Variants in ESRRG observed in about 807,000 individuals in gnomAD.
The protein encoded by ESRRG is estrogen-related receptor gamma.
In ESRRG, 13 loss-of-function variants were observed where a neutral mutation model predicts 44.0. That is an observed-to-expected ratio of 0.30 (90% CI 0.19 to 0.47). ESRRG has a LOEUF of 0.47. ESRRG is among the 20% of genes least tolerant of loss of function. ESRRG has a pLI of 1.00. For synonymous variants in ESRRG, 215 were observed against 214.6 expected (o/e 1.00, Z -0.02); for missense variants, 395 against 580.6 (o/e 0.68, Z 3.29).
rs144112469 is a variant in ESRRG, at chr1:216,523,880, A to G, written c.863-4459T>C. 1.7e-3 allele frequency among the ~76,000 whole-genome samples: 251 copies of G among 151,928 alleles called. 3 individuals are homozygous for G. Among genetic ancestry groups the G allele is most frequent in the African/African-American group, 5.7e-3 (235 of 41,434 alleles). On this transcript the variant is annotated intron_variant, in intron 5 of 6. Transcript: ENST00000408911. ...AAAAAATCAACATTTTTCAACAACT[A>G]GCATATCATGCTAGAACTGTAATTA...
chr1:217,108,638 G>T (rs542821893), intron 1 of ESRRG, among the ~76,000 whole-genome samples: 107 of 151,920 alleles, frequency 7.0e-4, no homozygotes, highest in African/African-American at 2.4e-3. Context: ...AGTGTGTGGC[G>T]CCTTCCCTCC....
intron 1 of ESRRG, among the ~76,000 whole-genome samples, chr1:217,001,201 T>G (rs1003270766): frequency 2.0e-5 from 3 of 152,222 alleles, no homozygotes; most frequent in African/African-American, 7.2e-5. Flanking sequence ...GCTGCCTTCT[T>G]TTCTTCGGTT....
intron 2 of ESRRG, among the ~76,000 whole-genome samples, chr1:216,729,916 A>C (rs1328814307): frequency 6.6e-6 from 1 of 152,176 alleles, no homozygotes; most frequent in Non-Finnish European, 1.5e-5. Context: ...AATGGCCACT[A>C]ATCTATGGCA....
At chr1:216,692,242 T>C (rs1277659939) in intron 1 of ESRRG, among the ~76,000 whole-genome samples, 2 of 151,806 alleles carry the variant, frequency 1.3e-5, no homozygotes. Context: ...GACCTTCCAG[T>C]AGGACTCGAT....
chr1:217,062,583 G>C (rs1244464748), intron 1 of ESRRG, among the ~76,000 whole-genome samples: 1 of 152,128 alleles, frequency 6.6e-6, no homozygotes, highest in Non-Finnish European at 1.5e-5. Context: ...GAGGAGGTAA[G>C]AAATTAAAAT....
chr1:216,579,678 T>C (rs963061270), intron 3 of ESRRG, among the ~76,000 whole-genome samples: 1 of 152,160 alleles, frequency 6.6e-6, no homozygotes. Flanking sequence ...GGTTGTAGGA[T>C]GGGCAATTGC....
At chr1:216,934,229 T>G (rs568355727) in intron 2 of ESRRG, among the ~76,000 whole-genome samples, 86 of 151,372 alleles carry the variant, frequency 5.7e-4, no homozygotes, top group Non-Finnish European at 8.7e-4. Flanking sequence ...AGGTCAGGAG[T>G]TCAAGACCAG....
At chr1:217,096,011 T>C (rs547042573) in intron 1 of ESRRG, among the ~76,000 whole-genome samples, 1 of 152,368 alleles carries the variant, frequency 6.6e-6, no homozygotes, top group East Asian at 1.9e-4. Context: ...ATTATAAATG[T>C]AAATGACTTA....
At chr1:216,541,782 G>A (rs763628137) in intron 5 of ESRRG, among the ~76,000 whole-genome samples, 101 of 151,796 alleles carry the variant, frequency 6.7e-4, no homozygotes, top group Non-Finnish European at 1.4e-3. Flanking sequence ...GACCAATACT[G>A]TGACTGAATT....
chr1:216,744,484 G>GCACA lies in ESRRG; in HGVS notation c.-13-66997_-13-66994dup, dbSNP rs57621941. Among the ~76,000 whole-genome samples the GCACA allele has an allele frequency of 1.4e-3, 214 of 149,602 alleles. 1 individual carries two copies. Among genetic ancestry groups the GCACA allele is most frequent in the Middle Eastern group, 6.9e-3 (2 of 290 alleles). On this transcript the variant is annotated intron_variant, in intron 2 of 7. Transcript: ENST00000359162. ...CACTTGAATATGTGCACACAGACAT[G>GCACA]CACACACACACACACACACACACAC...
intron 1 of ESRRG, among the ~76,000 whole-genome samples, chr1:217,034,906 T>C (rs1178310886): frequency 6.6e-6 from 1 of 152,214 alleles, no homozygotes; most frequent in Non-Finnish European, 1.5e-5. Context: ...CAGGATTTCC[T>C]GCATTGCATG....
intron 1 of ESRRG, among the ~76,000 whole-genome samples, chr1:216,682,915 G>A (rs1284757419): frequency 6.6e-6 from 1 of 152,030 alleles, no homozygotes; most frequent in Admixed American, 6.6e-5. Context: ...TCGTAAAGTG[G>A]CAAAATGTGA....
chr1:216,724,906 T>G (rs2087173238), upstream of ESRRG, among the ~76,000 whole-genome samples: 1 of 152,128 alleles, frequency 6.6e-6, no homozygotes, highest in Non-Finnish European at 1.5e-5. Flanking sequence ...TTGATATAAT[T>G]CAGCTCTACT....
upstream of ESRRG, among the ~76,000 whole-genome samples, chr1:216,723,723 TTCTC>T (rs549070335): frequency 4.4e-3 from 667 of 151,498 alleles, 4 homozygotes; most frequent in Middle Eastern, 0.032. Flanking sequence ...TTTTCCTCCC[TTCTC>T]TCTCTTTCTT....
chr1:216,844,045 T>C (rs913001519), intron 2 of ESRRG, among the ~76,000 whole-genome samples: 1 of 152,048 alleles, frequency 6.6e-6, no homozygotes, highest in Non-Finnish European at 1.5e-5. Flanking sequence ...ACTTAGACAA[T>C]GAAAATACAA....
chr1:217,054,030 G>GA (rs34225711), intron 1 of ESRRG, among the ~76,000 whole-genome samples: 25,651 of 133,646 alleles, frequency 0.19, 2,253 homozygotes, highest in Non-Finnish European at 0.2. Flanking sequence ...TTTGAGCTCT[G>GA]AAAAAAAAAA....
At chr1:216,742,727 C>T (rs1309806817) in intron 2 of ESRRG, among the ~76,000 whole-genome samples, 1 of 152,018 alleles carries the variant, frequency 6.6e-6, no homozygotes, top group Non-Finnish European at 1.5e-5. Context: ...GAAAAAACAA[C>T]TTCAGAAAAT....
At chr1:217,017,111 A>C (rs1056280272) in intron 1 of ESRRG, among the ~76,000 whole-genome samples, 9 of 152,182 alleles carry the variant, frequency 5.9e-5, no homozygotes, top group African/African-American at 1.9e-4. Context: ...GCTATGATAT[A>C]CAAGTAAAAA....
At chr1:216,957,067 T>A (rs930144125) in intron 1 of ESRRG, among the ~76,000 whole-genome samples, 1 of 152,206 alleles carries the variant, frequency 6.6e-6, no homozygotes, top group African/African-American at 2.4e-5. Context: ...AATTTAAATG[T>A]GAAAAGGACT....
Sources: gnomAD v4.1 joint callset for allele counts (sites outside exome capture counted in the v4.1 genomes callset) on GRCh38, gnomAD v4.1.1 for gene constraint, MANE v1.5 for transcripts, NCBI Gene and HGNC (gene_info 2026-07-23, HGNC 2026-07-21) for gene names.